The following RIC1 variants were observed in gnomAD, a reference collection of about 807,000 sequenced individuals.
The protein encoded by RIC1 is guanine nucleotide exchange factor subunit RIC1.
In RIC1, 88 loss-of-function variants were observed where a neutral mutation model predicts 169.0. The ratio of observed to expected loss-of-function variants is 0.52; its 90% CI spans 0.44 to 0.62. The LOEUF (loss-of-function observed/expected upper bound fraction) is 0.62. RIC1 is among the 20% of genes least tolerant of loss of function. RIC1 has a pLI of 0.00. For synonymous variants in RIC1, 790 were observed against 601.5 expected (o/e 1.31, Z -4.59); for missense variants, 1,877 against 1,725.5 (o/e 1.09, Z -1.56).
chr9:5,710,251 A>G (rs1284322908), intron 3 of RIC1, among the ~76,000 whole-genome samples: 2 of 152,208 alleles, frequency 1.3e-5, no homozygotes, highest in Non-Finnish European at 2.9e-5. Context: ...AGATTGCTTG[A>G]AAACACTGAA....
rs1286961807 is a variant in RIC1 at position 5,629,155 on chromosome 9, T to TCGGCC, written c.-144_-140dup. 9.3e-6 allele frequency: 6 copies of TCGGCC among 644,848 alleles called. No individual in the cohort carries two copies. The highest frequency in any genetic ancestry group is 5.8e-5 in the African/African-American group (3 of 51,996). The allele number at this position is 644,848 out of a possible 1,614,324, so 39.9% of individuals were successfully genotyped here. A position where few individuals can be genotyped will look rare whatever the true frequency, so the allele number is the denominator to read the frequency against. The stretch of plus-strand genomic sequence containing the variant: ...GGTGCCTTCGTCGCGCAGCCTTGCG[T>TCGGCC]CGGCCCGGCCCGGCCAGGCCAGCGG... On this transcript the variant is annotated 5_prime_UTR_variant, in exon 1 of 26. Transcript: ENST00000414202.
Position 5,773,088 on chromosome 9 carries a change from C to T in RIC1, c.3983+8C>T, listed in dbSNP as rs1456855793. 4 of 1,574,122 alleles carry T rather than the reference C, an allele frequency of 2.5e-6. No individual in the cohort carries two copies. Among genetic ancestry groups the T allele is most frequent in the African/African-American group, 1.4e-5 (1 of 73,644 alleles). On this transcript the variant is annotated splice_region_variant and intron_variant, in intron 25 of 25. Transcript: ENST00000414202. The stretch of plus-strand genomic sequence containing the variant: ...ATGGGCCTCTACAGACTGGTAAGTG[C>T]TGCTTTCCTTAGGCTTGGTGTCCTT...
intron 3 of RIC1, among the ~76,000 whole-genome samples, chr9:5,696,852 G>C (rs1195033324): frequency 6.6e-6 from 1 of 152,134 alleles, no homozygotes; most frequent in Non-Finnish European, 1.5e-5. Flanking sequence ...GGTTGTTTTG[G>C]GTGGCAGGTA....
chr9:5,671,337 C>T (rs1820089281), intron 2 of RIC1, among the ~76,000 whole-genome samples: 1 of 150,984 alleles, frequency 6.6e-6, no homozygotes, highest in African/African-American at 2.4e-5. Flanking sequence ...TGGCGCAGCG[C>T]AATCTCTGCT....
chr9:5,658,487 G>C (rs546924666), intron 2 of RIC1, among the ~76,000 whole-genome samples: 1 of 152,176 alleles, frequency 6.6e-6, no homozygotes, highest in African/African-American at 2.4e-5. Flanking sequence ...GTAAATTTCA[G>C]TGGTCCATGT....
At chr9:5,673,622 GTAAA>G (rs1446187187) in intron 2 of RIC1, among the ~76,000 whole-genome samples, 7 of 148,284 alleles carry the variant, frequency 4.7e-5, no homozygotes, top group Middle Eastern at 3.2e-3. Flanking sequence ...GAATAGCAAA[GTAAA>G]TAAGAAACTT....
At chr9:5,746,797 T>C (rs1361558674) in intron 11 of RIC1, among the ~76,000 whole-genome samples, 1 of 152,156 alleles carries the variant, frequency 6.6e-6, no homozygotes, top group East Asian at 1.9e-4. Context: ...TAATGGATAT[T>C]TGGTACAACA....
At chr9:5,697,274 A>C (rs747658499) in intron 3 of RIC1, among the ~76,000 whole-genome samples, 1 of 152,270 alleles carries the variant, frequency 6.6e-6, no homozygotes, top group Non-Finnish European at 1.5e-5. Context: ...CTCTCACTCT[A>C]CATGATGGAC....
chr9:5,769,975 C>T lies in RIC1; in HGVS notation c.3425-112C>T, dbSNP rs114593247. On this transcript the variant is annotated intron_variant, in intron 22 of 25. Transcript: ENST00000414202. ...GTACAGGACAGTAATTGCCTTTGAA[C>T]TGTTCTTATTGGGTAGGCAGGTAGG... 2.2e-3 allele frequency: 1,998 copies of T among 912,882 alleles called. 29 individuals are homozygous for T. The African/African-American group carries it at 0.03, about 14-fold the overall frequency. The allele number at this position is 912,882 out of a possible 1,614,324, so 56.5% of individuals were successfully genotyped here.
intron 1 of RIC1, among the ~76,000 whole-genome samples, chr9:5,634,692 T>C (rs930775434): frequency 6.6e-6 from 1 of 151,998 alleles, no homozygotes; most frequent in African/African-American, 2.4e-5. Context: ...TTGATTGTTT[T>C]CTTTACTGTA....
rs1825391977 is a variant in RIC1 at position 5,746,623 on chromosome 9, G to C, written c.1248+540G>C. On this transcript the variant is annotated intron_variant, in intron 11 of 25. Coordinates refer to ENST00000414202, the MANE Select transcript of RIC1 (RefSeq NM_020829.4). ...ATTTTTAAGAAATAGCTTAAAGAAA[G>C]TATGTCTGAGGACTTGCTTTTAGAA... Among the ~76,000 whole-genome samples, 4 of 152,118 alleles carry C rather than the reference G, an allele frequency of 2.6e-5. No homozygotes were observed. In the South Asian group the frequency reaches 8.3e-4, roughly 32 times the overall value.
intron 3 of RIC1, among the ~76,000 whole-genome samples, chr9:5,695,651 C>T (rs972201323): frequency 1.3e-5 from 2 of 150,038 alleles, no homozygotes; most frequent in Non-Finnish European, 3.0e-5. Context: ...TGGCTCCCTG[C>T]AATCTCCGCC....
intron 9 of RIC1, among the ~76,000 whole-genome samples, chr9:5,743,440 G>C (rs1225025325): frequency 6.6e-6 from 1 of 152,156 alleles, no homozygotes; most frequent in Non-Finnish European, 1.5e-5. Flanking sequence ...CTGAACCTCA[G>C]TTCTGATGAA....
chr9:5,673,951 GA>G (rs1218057724), intron 2 of RIC1, among the ~76,000 whole-genome samples: 1 of 151,904 alleles, frequency 6.6e-6, no homozygotes, highest in Admixed American at 6.6e-5. Context: ...TTTATATAAA[GA>G]AAAAAATTGT....
chr9:5,728,028 A>T (rs1270639493), intron 6 of RIC1, among the ~76,000 whole-genome samples: 1 of 152,046 alleles, frequency 6.6e-6, no homozygotes, highest in East Asian at 1.9e-4. Context: ...CTGTTCTCAG[A>T]CCTCAGACTC....
chr9:5,687,252 G>C (rs894550585), intron 2 of RIC1, among the ~76,000 whole-genome samples: 4 of 152,042 alleles, frequency 2.6e-5, no homozygotes, highest in Non-Finnish European at 5.9e-5. Context: ...GTCAGTTTTA[G>C]TGATCTTCTA....
intron 6 of RIC1, among the ~76,000 whole-genome samples, chr9:5,722,312 G>A (rs1164875418): frequency 7.1e-6 from 1 of 140,328 alleles, no homozygotes; most frequent in Admixed American, 7.5e-5. Context: ...ATGGCTTACA[G>A]AAGGAATGAG....
intron 6 of RIC1, among the ~76,000 whole-genome samples, chr9:5,723,461 C>T (rs1235321088): frequency 1.3e-5 from 2 of 152,094 alleles, no homozygotes; most frequent in Non-Finnish European, 2.9e-5. Context: ...GATATTAGCC[C>T]TTTGTCAGAT....
Position 5,774,055 on chromosome 9 carries a change from A to G in RIC1, c.4081A>G (p.Ile1361Val), listed in dbSNP as rs780772814. 15 of 1,613,992 alleles carry G rather than the reference A, an allele frequency of 9.3e-6. No homozygotes were observed. The highest frequency in any genetic ancestry group is 7.7e-5 in the South Asian group (7 of 91,082). Residue 1361 changes from isoleucine (I) to valine (V), a missense_variant, in exon 26 of 26, where the codon ATA becomes GTA. This residue lies in a region of RIC1 where 681 missense variants were observed against 582.0 expected (regional missense o/e 1.17). Transcript: ENST00000414202. ...GGTCCAGCCAGATGCCTTCCAACCA[A>G]TAACTATGGGTAAGACTCCAGAACA... ...EQVQPDAFQP[I>V]TMGKTPEQTS...
Sources: allele counts gnomAD v4.1 joint callset (sites outside exome capture counted in the v4.1 genomes callset), GRCh38; gene constraint gnomAD v4.1.1; regional missense constraint gnomAD v4.1.1; transcripts MANE v1.5; gene names NCBI Gene and HGNC (gene_info 2026-07-23, HGNC 2026-07-21).